PLXNA4: variants seen among roughly 807,000 people sequenced by gnomAD.
PLXNA4 encodes the protein plexin A4.
In PLXNA4, 44 loss-of-function variants were observed where a neutral mutation model predicts 191.8. That is an observed-to-expected ratio of 0.23 (90% CI 0.18 to 0.29). The LOEUF (loss-of-function observed/expected upper bound fraction) is 0.29, where lower values mean the gene tolerates loss of function less well. PLXNA4 is among the 10% of genes least tolerant of loss of function. PLXNA4 has a pLI of 1.00. For missense variants in PLXNA4, 1,800 were observed against 2,488.8 expected (o/e 0.72, Z 5.89); for synonymous variants, 1,082 against 1,009.5 (o/e 1.07, Z -1.36).
chr7:132,322,185 T>TGTC (rs1554413721), intron 3 of PLXNA4, among the ~76,000 whole-genome samples: 16 of 12,712 alleles, frequency 1.3e-3, no homozygotes, highest in African/African-American at 2.8e-3. Flanking sequence ...CTAAAAGGGC[T>TGTC]TTTTTTTTTT....
intron 3 of PLXNA4, among the ~76,000 whole-genome samples, chr7:132,451,489 G>A (rs1796123555): frequency 6.6e-6 from 1 of 152,102 alleles, no homozygotes. Context: ...CGGGAAGTTG[G>A]GAAAATACAA....
intron 3 of PLXNA4, among the ~76,000 whole-genome samples, chr7:132,469,038 T>C (rs1357444560): frequency 3.8e-5 from 5 of 132,352 alleles, no homozygotes; most frequent in African/African-American, 1.5e-4. Flanking sequence ...AGCCTCAGTC[T>C]CCACATATCC....
At chr7:132,205,520 A>T (rs1367592735) in intron 10 of PLXNA4, among the ~76,000 whole-genome samples, 11 of 151,800 alleles carry the variant, frequency 7.2e-5, no homozygotes, top group Non-Finnish European at 1.5e-4. Flanking sequence ...TGTGTGTGAG[A>T]GAGAGAGAGA....
chr7:132,584,472 A>G (rs1802469711), intron 2 of PLXNA4, among the ~76,000 whole-genome samples: 1 of 152,178 alleles, frequency 6.6e-6, no homozygotes, highest in Non-Finnish European at 1.5e-5. Flanking sequence ...GTTTGGCAGA[A>G]ATTCTATTTT....
intron 4 of PLXNA4, among the ~76,000 whole-genome samples, chr7:132,296,574 C>T (rs1204589317): frequency 1.3e-5 from 2 of 151,922 alleles, no homozygotes; most frequent in Non-Finnish European, 2.9e-5. Flanking sequence ...CACCTGGCTC[C>T]GTTTATATTT....
chr7:132,223,617 T>G lies in PLXNA4; in HGVS notation c.2007A>C (p.Pro669=), dbSNP rs1434809484. The change falls in exon 9 of 32, where the codon CCA becomes CCC. Residue 669 remains proline (P), a synonymous_variant. Coordinates refer to ENST00000321063, the MANE Select transcript of PLXNA4 (RefSeq NM_020911.2). Reference sequence around the variant, plus strand: ...GGTATTTACACCAGTGGCAGCGGTATGGACTCTCCACGCAGGACAGGCACC... The same window carrying G: ...GGTATTTACACCAGTGGCAGCGGTAGGGACTCTCCACGCAGGACAGGCACC... ...HNSCLSCVES[P]YRCHWCKYRH... 2.5e-6 allele frequency: 4 copies of G among 1,613,472 alleles called. No homozygotes were observed. The highest frequency in any genetic ancestry group is 2.5e-6 in the Non-Finnish European group (3 of 1,179,792).
At chr7:132,451,786 C>T (rs1796131789) in intron 3 of PLXNA4, among the ~76,000 whole-genome samples, 1 of 152,252 alleles carries the variant, frequency 6.6e-6, no homozygotes, top group South Asian at 2.1e-4. Context: ...CACTCCTAAG[C>T]TACCCCAGTG....
intron 1 of PLXNA4, among the ~76,000 whole-genome samples, chr7:132,559,235 A>G (rs150612415): frequency 6.6e-6 from 1 of 152,210 alleles, no homozygotes; most frequent in South Asian, 2.1e-4. Flanking sequence ...GAAAAGAGGC[A>G]TGAGGAGGAA....
chr7:132,615,879 C>T (rs1413854258), intron 2 of PLXNA4, among the ~76,000 whole-genome samples: 1 of 150,894 alleles, frequency 6.6e-6, no homozygotes, highest in Non-Finnish European at 1.5e-5. Context: ...TCTCTCCCCT[C>T]TCCCTTCTCC....
chr7:132,376,250 G>A (rs1804653880), intron 3 of PLXNA4, among the ~76,000 whole-genome samples: 1 of 152,172 alleles, frequency 6.6e-6, no homozygotes, highest in Non-Finnish European at 1.5e-5. Context: ...GAAAGTCCTT[G>A]GAGTTCACAT....
At chr7:132,590,071 C>A (rs1802576647) in intron 2 of PLXNA4, among the ~76,000 whole-genome samples, 1 of 152,186 alleles carries the variant, frequency 6.6e-6, no homozygotes, top group South Asian at 2.1e-4. Context: ...CATGCAAATA[C>A]ACACATAACA....
chr7:132,318,580 C>A (rs1802037634), intron 3 of PLXNA4, among the ~76,000 whole-genome samples: 1 of 151,996 alleles, frequency 6.6e-6, no homozygotes, highest in South Asian at 2.1e-4. Flanking sequence ...ACATCTTTAC[C>A]TCCTGTGTTT....
intron 2 of PLXNA4, among the ~76,000 whole-genome samples, chr7:132,641,615 G>C (rs1200987175): frequency 6.6e-6 from 1 of 152,186 alleles, no homozygotes; most frequent in African/African-American, 2.4e-5. Flanking sequence ...CACTTTGCAA[G>C]AGAATAGTGA....
intron 3 of PLXNA4, chr7:132,384,119 C>T (rs779741324): frequency 1.2e-4 from 114 of 985,334 alleles, no homozygotes; most frequent in Middle Eastern, 5.2e-4. Context: ...TGAAGGTTCT[C>T]AAGAGCCCTC....
intron 3 of PLXNA4, among the ~76,000 whole-genome samples, chr7:132,385,712 G>A (rs12707035): frequency 0.4 from 61,096 of 152,172 alleles, 15,792 homozygotes; most frequent in Non-Finnish European, 0.59. Flanking sequence ...GCAAGTGCAT[G>A]CGCGCACACA....
At chr7:132,404,000 T>C (rs1794107506) in intron 3 of PLXNA4, among the ~76,000 whole-genome samples, 1 of 152,152 alleles carries the variant, frequency 6.6e-6, no homozygotes, top group South Asian at 2.1e-4. Context: ...GGTCTGTAGT[T>C]GGCCCTGCTG....
At position 132,614,274 on chromosome 7, in the gene PLXNA4, A is replaced by C. The variant is rs530060453; in HGVS notation, c.-87+31654T>G. On this transcript the variant is annotated intron_variant, in intron 2 of 4. Coordinates refer to the PLXNA4 transcript ENST00000378539. ...TGAGGTATTTTACACTCTTTTTTTC[A>C]GAACGCTAAAAATCCAATGTGTGAT... is the stretch of plus-strand genomic sequence containing the variant. 9.2e-5 allele frequency among the ~76,000 whole-genome samples: 14 copies of C among 152,304 alleles called. 1 individual carries two copies. The South Asian group carries it at 2.9e-3, about 32-fold the overall frequency.
intron 6 of PLXNA4, 149 bp from the exon 7 acceptor site, chr7:132,227,753 A>G (rs1314545870): frequency 2.0e-6 from 2 of 1,024,936 alleles, no homozygotes; most frequent in South Asian, 3.2e-5. Context: ...GAAGAGACTC[A>G]GGTTATTAGG....
intron 28 of PLXNA4, chr7:132,145,566 G>A (rs1795395602): frequency 9.0e-6 from 4 of 442,852 alleles, no homozygotes; most frequent in Non-Finnish European, 1.6e-5. Context: ...AACACCCTCT[G>A]GCGGTGTTAT....
Sources: gnomAD v4.1 joint callset for allele counts (sites outside exome capture counted in the v4.1 genomes callset) on GRCh38, gnomAD v4.1.1 for gene constraint, MANE v1.5 for transcripts, NCBI Gene and HGNC (gene_info 2026-07-23, HGNC 2026-07-21) for gene names.